Variants in LIMK2 observed in about 807,000 individuals in gnomAD.
LIMK2 encodes LIM domain kinase 2.
In LIMK2, 35 loss-of-function variants were observed where a neutral mutation model predicts 75.7. The ratio of observed to expected loss-of-function variants is 0.46; its 90% CI spans 0.35 to 0.61. The LOEUF is 0.61. LIMK2 is among the 20% of genes least tolerant of loss of function. The pLI is 0.00. For synonymous variants in LIMK2, 301 were observed against 319.2 expected (o/e 0.94, Z 0.61); for missense variants, 623 against 831.0 (o/e 0.75, Z 3.08).
intron 2 of LIMK2, chr22:31,248,399 C>T: frequency 7.3e-7 from 1 of 1,374,636 alleles, no homozygotes; most frequent in Non-Finnish European, 9.5e-7. Flanking sequence ...TCACCGGCCC[C>T]TGCTCAAGAA....
chr22:31,227,221 C>T (rs987176381), intron 2 of LIMK2, among the ~76,000 whole-genome samples: 28 of 152,232 alleles, frequency 1.8e-4, no homozygotes, highest in African/African-American at 6.8e-4. Flanking sequence ...GCTGGATGGG[C>T]ATGCCTGGCC....
intron 2 of LIMK2, among the ~76,000 whole-genome samples, 187 bp downstream of exon 2, chr22:31,226,006 T>G (rs1601402414): frequency 6.6e-6 from 1 of 152,052 alleles, no homozygotes; most frequent in African/African-American, 2.4e-5. Context: ...CAGGTTAAAT[T>G]GGAAGAGCCA....
intron 15 of LIMK2, chr22:31,276,838 G>C: frequency 6.2e-7 from 1 of 1,611,888 alleles, no homozygotes; most frequent in Non-Finnish European, 8.5e-7. Flanking sequence ...GGATGATGAG[G>C]GCCCAGTGAG....
intron 12 of LIMK2, 97 bp downstream of exon 12, chr22:31,271,298 A>C: frequency 9.6e-7 from 1 of 1,043,800 alleles, no homozygotes; most frequent in Non-Finnish European, 1.5e-6. Context: ...GCTAGAGGGC[A>C]GAGGTGTTGC....
intron 11 of LIMK2, among the ~76,000 whole-genome samples, chr22:31,269,657 C>T (rs1225440822): frequency 6.6e-6 from 1 of 151,838 alleles, no homozygotes; most frequent in Non-Finnish European, 1.5e-5. Context: ...GCCTGTAGTC[C>T]CAGCTACTCA....
intron 2 of LIMK2, among the ~76,000 whole-genome samples, chr22:31,246,215 A>G (rs985710791): frequency 7.0e-6 from 1 of 143,652 alleles, no homozygotes; most frequent in Admixed American, 6.9e-5. Context: ...ACACACACAC[A>G]CGCTGGGTAT....
intron 15 of LIMK2, among the ~76,000 whole-genome samples, chr22:31,276,555 T>TGCAGCTGCCCCCGGGC (rs1334118736): frequency 6.9e-6 from 1 of 145,504 alleles, no homozygotes; most frequent in Non-Finnish European, 1.5e-5. Context: ...CTCCGCATGC[T>TGCAGCTGCCCCCGGGC]GCAGCTGCCC....
intron 1 of LIMK2, among the ~76,000 whole-genome samples, chr22:31,224,236 C>G (rs903445665): frequency 2.6e-5 from 4 of 152,170 alleles, no homozygotes; most frequent in Non-Finnish European, 5.9e-5. Flanking sequence ...TGAGGCCTCT[C>G]TTTTTGGAGG....
intron 2 of LIMK2, among the ~76,000 whole-genome samples, chr22:31,231,993 T>C (rs560720424): frequency 6.6e-6 from 1 of 152,174 alleles, no homozygotes; most frequent in East Asian, 1.9e-4. Flanking sequence ...TTTTTTTATT[T>C]TAAGTAGAAA....
intron 9 of LIMK2, 148 bp from the exon 10 acceptor site, chr22:31,267,628 A>C (rs928176558): frequency 1.9e-5 from 16 of 823,144 alleles, no homozygotes; most frequent in African/African-American, 5.2e-5. Context: ...GTCTTCCCTC[A>C]TCCTGATCTT....
At chr22:31,232,750 C>T (rs907934115) in intron 2 of LIMK2, among the ~76,000 whole-genome samples, 6 of 152,034 alleles carry the variant, frequency 3.9e-5, no homozygotes, top group African/African-American at 1.5e-4. Context: ...GCACACACTA[C>T]CATGCCCAGC....
chr22:31,217,918 A>T (rs2048401492), intron 1 of LIMK2, among the ~76,000 whole-genome samples: 1 of 152,210 alleles, frequency 6.6e-6, no homozygotes, highest in South Asian at 2.1e-4. Flanking sequence ...CCATGAGTAC[A>T]CACCAAGGGC....
At position 31,280,031 on chromosome 22, in the gene LIMK2, C is replaced by T. The variant is rs752093522; in HGVS notation, c.*1590C>T. 2 of 152,228 alleles carry T rather than the reference C, an allele frequency of 1.3e-5. No individual in the cohort carries two copies. Among genetic ancestry groups the T allele is most frequent in the Non-Finnish European group, 2.9e-5 (2 of 68,066 alleles). 9.4% of individuals were successfully genotyped at this position (152,228 alleles called of 1,614,324 possible). ...CAAGTGTAGGAGTGGTGGGCCTGAACTGGGCCATTGATCAGACTAAATAAA... is the reference window on the plus strand; with the variant it reads ...CAAGTGTAGGAGTGGTGGGCCTGAATTGGGCCATTGATCAGACTAAATAAA... On this transcript the variant is annotated 3_prime_UTR_variant, in exon 16 of 16. Coordinates refer to ENST00000331728, the MANE Select transcript of LIMK2 (RefSeq NM_005569.4).
In LIMK2 at chr22:31,252,340, T is replaced by A. The variant is rs568907053; in HGVS notation, c.117-5951T>A. The stretch of plus-strand genomic sequence containing the variant: ...GGAGGATCACCTGAGTCCAGGAGTT[T>A]AAGACCAGCCTGGGCAACATAGGGA... On this transcript the variant is annotated intron_variant, in intron 2 of 15. Transcript: ENST00000331728. Among the ~76,000 whole-genome samples, 56 of 152,124 alleles carry A rather than the reference T, an allele frequency of 3.7e-4. 1 individual carries two copies. Among genetic ancestry groups the A allele is most frequent in the African/African-American group, 1.3e-3 (55 of 41,514 alleles).
In LIMK2 at chr22:31,271,062, A is replaced by G. The variant is rs999568341; in HGVS notation, c.1318-74A>G. The G allele has an allele frequency of 9.3e-5, 128 of 1,379,472 alleles. 1 individual carries two copies. In the Middle Eastern group the frequency reaches 3.9e-3, roughly 42 times the overall value. The allele number at this position is 1,379,472 out of a possible 1,614,324, so 85.5% of individuals were successfully genotyped here. A position where few individuals can be genotyped will look rare whatever the true frequency, so the allele number is the denominator to read the frequency against. ...GGCATGGCCTGGTAGGAGAGCATCT[A>G]TGGCGCCCAATTCCAGATTCAGGGT... is the stretch of plus-strand genomic sequence containing the variant. On this transcript the variant is annotated intron_variant, in intron 11 of 15. Coordinates refer to ENST00000331728, the MANE Select transcript of LIMK2 (RefSeq NM_005569.4).
At chr22:31,216,890 C>T (rs1601394602) in intron 1 of LIMK2, among the ~76,000 whole-genome samples, 1 of 152,168 alleles carries the variant, frequency 6.6e-6, no homozygotes, top group South Asian at 2.1e-4. Flanking sequence ...CAGTCTCTTA[C>T]AAGTCTACCT....
intron 2 of LIMK2, among the ~76,000 whole-genome samples, chr22:31,243,415 A>G (rs2048640376): frequency 6.6e-6 from 1 of 152,162 alleles, no homozygotes; most frequent in African/African-American, 2.4e-5. Flanking sequence ...GCTTCACACA[A>G]ACAGTTTCTT....
intron 2 of LIMK2, among the ~76,000 whole-genome samples, chr22:31,247,407 C>A (rs1479061561): frequency 6.6e-6 from 1 of 152,074 alleles, no homozygotes; most frequent in Non-Finnish European, 1.5e-5. Context: ...CCCTCATGCC[C>A]CATTTTTCAG....
At chr22:31,248,576 G>A in intron 2 of LIMK2, 4 of 1,606,416 alleles carry the variant, frequency 2.5e-6, no homozygotes, top group Non-Finnish European at 3.4e-6. Flanking sequence ...CTGCTCCGGA[G>A]GGAGAGGTGA....
Sources: gnomAD v4.1 joint callset for allele counts (sites outside exome capture counted in the v4.1 genomes callset) on GRCh38, gnomAD v4.1.1 for gene constraint, MANE v1.5 for transcripts, NCBI Gene and HGNC (gene_info 2026-07-23, HGNC 2026-07-21) for gene names.